TENT2: variants seen among roughly 807,000 people sequenced by gnomAD.
The protein encoded by TENT2 is poly(A) RNA polymerase GLD2.
TENT2 carries 44 observed loss-of-function variants against 72.2 expected under a neutral mutation model. That is an observed-to-expected ratio of 0.61 (90% CI 0.48 to 0.78). The LOEUF (loss-of-function observed/expected upper bound fraction) is 0.78. Ranked by LOEUF, TENT2 falls within the 30% of genes least tolerant of loss-of-function variation. The pLI, the probability that TENT2 is intolerant of heterozygous loss-of-function variation, is 0.00. For synonymous variants in TENT2, 212 were observed against 192.5 expected, an observed-to-expected ratio of 1.10 and a Z score of -0.84; for missense variants, 541 against 569.6, an observed-to-expected ratio of 0.95 and a Z score of 0.51.
Position 79,682,069 on chromosome 5 carries a change from A to G in TENT2, c.1380+8A>G, listed in dbSNP as rs1822396287. Reference sequence around the variant, plus strand: ...AAGGATCAATTTTTAAAGGTAAACAATGCATTAGATCAACCCTAGAAACAT... The same window carrying G: ...AAGGATCAATTTTTAAAGGTAAACAGTGCATTAGATCAACCCTAGAAACAT... On this transcript the variant is annotated splice_region_variant and intron_variant, in intron 14 of 14. Coordinates refer to ENST00000453514, the MANE Select transcript of TENT2 (RefSeq NM_001114394.3). The G allele has an allele frequency of 1.9e-6, 3 of 1,598,740 alleles. No individual in the cohort carries two copies. The highest frequency in any genetic ancestry group is 1.7e-6 in the Non-Finnish European group (2 of 1,167,320).
At chr5:79,627,978 TA>T (rs1771786630) in intron 4 of TENT2, among the ~76,000 whole-genome samples, 3 of 152,240 alleles carry the variant, frequency 2.0e-5, no homozygotes, top group African/African-American at 7.2e-5. Context: ...GATATTATCC[TA>T]ATGTTATTGA....
intron 7 of TENT2, 80 bp downstream of exon 7, chr5:79,642,990 G>A: frequency 1.3e-6 from 2 of 1,542,676 alleles, no homozygotes; most frequent in Non-Finnish European, 1.7e-6. Context: ...CTTCTGGTAA[G>A]AACTGTTTAT....
intron 12 of TENT2, among the ~76,000 whole-genome samples, chr5:79,677,255 A>T (rs1029677134): frequency 6.6e-6 from 1 of 152,192 alleles, no homozygotes; most frequent in Non-Finnish European, 1.5e-5. Context: ...AAATGATATA[A>T]TCATTTTAAT....
chr5:79,641,200 A>C lies in TENT2; in HGVS notation c.672+4A>C. On this transcript the variant is annotated splice_donor_region_variant and intron_variant, in intron 6 of 14. Coordinates refer to ENST00000453514, the MANE Select transcript of TENT2 (RefSeq NM_001114394.3). ...CCTAGTTGTTAAGGAAGAACCAGTA[A>C]GTAAGGAAACATTTATTCCAAGTGT... is the stretch of plus-strand genomic sequence containing the variant. 6.5e-7 allele frequency: 1 copy of C among 1,544,016 alleles called. No individual in the cohort carries two copies.
At chr5:79,678,912 T>C (rs986946672) in intron 12 of TENT2, among the ~76,000 whole-genome samples, 1 of 151,242 alleles carries the variant, frequency 6.6e-6, no homozygotes, top group Admixed American at 6.6e-5. Flanking sequence ...TTTCTTTTCT[T>C]TTTTCTTTTT....
intron 4 of TENT2, among the ~76,000 whole-genome samples, chr5:79,632,745 C>T (rs1226996215): frequency 6.6e-6 from 1 of 152,158 alleles, no homozygotes; most frequent in Non-Finnish European, 1.5e-5. Flanking sequence ...TCTTACAGAT[C>T]TCTAAAGGAC....
chr5:79,617,835 T>G (rs1368257281), intron 1 of TENT2, among the ~76,000 whole-genome samples: 1 of 152,218 alleles, frequency 6.6e-6, no homozygotes, highest in Admixed American at 6.5e-5. Flanking sequence ...GCCGTTTGTT[T>G]ATAACATTTT....
chr5:79,663,317 A>T (rs994394668), intron 11 of TENT2, among the ~76,000 whole-genome samples: 4 of 152,198 alleles, frequency 2.6e-5, no homozygotes, highest in African/African-American at 9.6e-5. Context: ...ATCCTTCAAG[A>T]ACTTTTCCTT....
intron 7 of TENT2, 79 bp from the exon 8 acceptor site, chr5:79,645,044 A>T: frequency 1.8e-6 from 2 of 1,138,252 alleles, no homozygotes; most frequent in Non-Finnish European, 2.4e-6. Context: ...AGTAAATACT[A>T]TTTTTTAAAA....
chr5:79,659,560 A>AAG (rs1800892600), intron 11 of TENT2, among the ~76,000 whole-genome samples: 1 of 52,708 alleles, frequency 1.9e-5, no homozygotes, highest in Non-Finnish European at 3.0e-5. Flanking sequence ...AAAAATGTAT[A>AAG]TATATATATA....
At chr5:79,663,626 T>C (rs568700438) in intron 11 of TENT2, among the ~76,000 whole-genome samples, 1 of 152,308 alleles carries the variant, frequency 6.6e-6, no homozygotes, top group South Asian at 2.1e-4. Flanking sequence ...AAGTTTGCAG[T>C]ATTATGTGGA....
intron 8 of TENT2, 83 bp downstream of exon 8, chr5:79,645,275 A>G: frequency 2.0e-6 from 2 of 1,018,502 alleles, no homozygotes; most frequent in Non-Finnish European, 2.9e-6. Context: ...TAAGAAGTGT[A>G]TGTTGTAGCA....
At chr5:79,627,087 G>A (rs1468863178) in intron 4 of TENT2, among the ~76,000 whole-genome samples, 1 of 149,718 alleles carries the variant, frequency 6.7e-6, no homozygotes, top group Non-Finnish European at 1.5e-5. Flanking sequence ...CCGAGATCAT[G>A]CCACTGCCGT....
At chr5:79,667,689 T>C (rs1809433934) in intron 11 of TENT2, among the ~76,000 whole-genome samples, 1 of 152,172 alleles carries the variant, frequency 6.6e-6, no homozygotes. Flanking sequence ...GATAGAATTA[T>C]AGGTAATGGA....
rs1248829710 is a variant in TENT2 at position 79,620,025 on chromosome 5, A to G, written c.169A>G (p.Thr57Ala). The change falls in exon 3 of 15, where the codon ACA becomes GCA. Residue 57 changes from threonine (T) to alanine (A), a missense_variant. Transcript: ENST00000453514. ...TAGAGCTGTGTCATTACAGCAGCTG[A>G]CATATGGAAATGTCAGTCCAATACA... ...LSRAVSLQQL[T>A]YGNVSPIQTS... The G allele has an allele frequency of 6.2e-7, 1 of 1,612,046 alleles. No individual in the cohort carries two copies. The highest frequency in any genetic ancestry group is 8.5e-7 in the Non-Finnish European group (1 of 1,178,820).
In TENT2 at chr5:79,648,603, T is replaced by G; in HGVS notation, c.822-14T>G. ...AGCTAAAGTTTATTTATTTATTTAT[T>G]TTTTCTTAAATAGTTGTGTGGAGTT... On this transcript the variant is annotated splice_polypyrimidine_tract_variant and intron_variant, in intron 8 of 14. Transcript: ENST00000453514. 3.3e-6 allele frequency: 5 copies of G among 1,501,070 alleles called. No homozygotes were observed. The highest frequency in any genetic ancestry group is 4.5e-6 in the Non-Finnish European group (5 of 1,107,806). 93.0% of individuals were successfully genotyped at this position (1,501,070 alleles called of 1,614,324 possible).
chr5:79,642,046 G>A (rs1272882753), intron 6 of TENT2, among the ~76,000 whole-genome samples: 1 of 151,970 alleles, frequency 6.6e-6, no homozygotes, highest in Non-Finnish European at 1.5e-5. Context: ...AAGCTGACTT[G>A]AGGCAGCCTT....
chr5:79,656,825 A>G (rs1288981914), intron 10 of TENT2, 133 bp from the exon 11 acceptor site: 10 of 566,706 alleles, frequency 1.8e-5, no homozygotes, highest in Admixed American at 1.3e-4. Context: ...AATTAATTTC[A>G]TGAAATATTT....
intron 14 of TENT2, 31 bp downstream of exon 14, chr5:79,682,092 CATT>C (rs758031449): frequency 6.7e-7 from 1 of 1,499,494 alleles, no homozygotes; most frequent in Non-Finnish European, 9.2e-7. Context: ...ACCCTAGAAA[CATT>C]AGTAGACTAG....
Sources: gnomAD v4.1 joint callset for allele counts (sites outside exome capture counted in the v4.1 genomes callset) on GRCh38, gnomAD v4.1.1 for gene constraint, MANE v1.5 for transcripts, NCBI Gene and HGNC (gene_info 2026-07-23, HGNC 2026-07-21) for gene names.